Variants in TEX9 observed in about 807,000 individuals in gnomAD.
The protein encoded by TEX9 is testis expressed 9, also known as testis-expressed protein 9.
In TEX9, 74 loss-of-function variants were observed where a neutral mutation model predicts 59.6. That is an observed-to-expected ratio of 1.24 (90% confidence interval 1.03 to 1.51). TEX9 has a LOEUF of 1.51. TEX9 is among the 40% of genes most tolerant of loss of function. The pLI, the probability that TEX9 is intolerant of heterozygous loss-of-function variation, is 0.00. For synonymous variants in TEX9, 186 were observed against 152.2 expected (o/e 1.22, Z -1.64); for missense variants, 522 against 447.8 (o/e 1.17, Z -1.49).
chr15:56,375,454 A>G (rs1287717463), intron 3 of TEX9, among the ~76,000 whole-genome samples: 36 of 151,854 alleles, frequency 2.4e-4, no homozygotes, highest in Non-Finnish European at 4.4e-4. Context: ...ATTTTCTCCC[A>G]TTTTGTAGGT....
At chr15:56,308,379 A>T (rs1485041829) in intron 1 of TEX9, among the ~76,000 whole-genome samples, 1 of 152,180 alleles carries the variant, frequency 6.6e-6, no homozygotes, top group African/African-American at 2.4e-5. Flanking sequence ...AGAAATGTCT[A>T]TTCCAATCCT....
At chr15:56,369,686 G>C (rs942715279) in intron 2 of TEX9, among the ~76,000 whole-genome samples, 4 of 152,102 alleles carry the variant, frequency 2.6e-5, no homozygotes, top group Non-Finnish European at 5.9e-5. Context: ...AATGTATTGA[G>C]ACTTATTTGT....
intron 10 of TEX9, among the ~76,000 whole-genome samples, chr15:56,425,808 G>GTGTT (rs1213534708): frequency 1.3e-5 from 2 of 151,966 alleles, no homozygotes; most frequent in Admixed American, 1.3e-4. Context: ...TGAAAAACGG[G>GTGTT]TGTTTGAAAA....
At chr15:56,389,000 G>C (rs2048087204) in intron 5 of TEX9, among the ~76,000 whole-genome samples, 1 of 151,954 alleles carries the variant, frequency 6.6e-6, no homozygotes, top group South Asian at 2.1e-4. Context: ...TCTGCCTGGG[G>C]AATAATTGGT....
chr15:56,349,953 T>A (rs1168901458), intron 1 of TEX9, among the ~76,000 whole-genome samples: 2 of 152,140 alleles, frequency 1.3e-5, no homozygotes, highest in Non-Finnish European at 2.9e-5. Context: ...CAAGAATCGG[T>A]TAAGACTTTA....
chr15:56,443,570 T>C (rs747818934), intron 12 of TEX9: 5 of 1,579,856 alleles, frequency 3.2e-6, no homozygotes, highest in Middle Eastern at 1.7e-4. Flanking sequence ...TAAATATTTA[T>C]AGGATCCAAA....
intron 1 of TEX9, among the ~76,000 whole-genome samples, chr15:56,250,478 C>T (rs1217374552): frequency 6.6e-6 from 1 of 152,138 alleles, no homozygotes; most frequent in Non-Finnish European, 1.5e-5. Context: ...GAAGACTGGT[C>T]TAATTGGAGT....
downstream of TEX9, among the ~76,000 whole-genome samples, chr15:56,448,751 CTTTTT>C (rs34366643): frequency 1.7e-5 from 2 of 117,676 alleles, no homozygotes; most frequent in Non-Finnish European, 1.8e-5. Context: ...TTTTTAGATT[CTTTTT>C]TTTTTTTTTT....
intron 1 of TEX9, among the ~76,000 whole-genome samples, chr15:56,344,529 A>G (rs2046430175): frequency 6.6e-6 from 1 of 152,084 alleles, no homozygotes. Context: ...ATGGGAAGTG[A>G]GTCTTAATGG....
rs35539808 is a variant in TEX9 at position 56,333,477 on chromosome 15, TA to T, written c.-106-39952del. Among the ~76,000 whole-genome samples the T allele has an allele frequency of 2.7e-3, 377 of 142,254 alleles. 1 individual carries two copies. Among genetic ancestry groups the T allele is most frequent in the Middle Eastern group, 0.011 (3 of 272 alleles). 93.3% of individuals were successfully genotyped at this position (142,254 alleles called of 152,430 possible). A position where few individuals can be genotyped will look rare whatever the true frequency, so the allele number is the denominator to read the frequency against. ...GATGAAATTCAACACTCCTTCATGA[TA>T]AAAAAAAAAAACCCTCAAAAAACTG... On this transcript the variant is annotated intron_variant, in intron 1 of 5. Transcript: ENST00000560827.
chr15:56,304,194 G>T (rs1157497067), intron 1 of TEX9, among the ~76,000 whole-genome samples: 1 of 152,148 alleles, frequency 6.6e-6, no homozygotes, highest in Non-Finnish European at 1.5e-5. Context: ...ATGAAAACAA[G>T]GATATTTTGA....
intron 1 of TEX9, among the ~76,000 whole-genome samples, chr15:56,293,089 G>C (rs1862451456): frequency 1.3e-5 from 2 of 152,032 alleles, no homozygotes; most frequent in African/African-American, 4.8e-5. Flanking sequence ...AACCCCAGCA[G>C]TTTGGAAGGC....
intron 12 of TEX9, among the ~76,000 whole-genome samples, chr15:56,433,250 C>A (rs1297051421): frequency 1.6e-5 from 2 of 124,914 alleles, no homozygotes; most frequent in Admixed American, 1.7e-4. Flanking sequence ...CACACCAGGG[C>A]CTGTCGGGGG....
chr15:56,279,578 C>T (rs1021401432), intron 1 of TEX9, among the ~76,000 whole-genome samples: 31 of 152,178 alleles, frequency 2.0e-4, no homozygotes, highest in Non-Finnish European at 4.3e-4. Context: ...CCTTTACTTC[C>T]ATAGAGAAAT....
chr15:56,371,983 T>TG (rs2047211074), intron 2 of TEX9, among the ~76,000 whole-genome samples: 1 of 152,228 alleles, frequency 6.6e-6, no homozygotes, highest in Non-Finnish European at 1.5e-5. Context: ...TCCTGTTTGT[T>TG]GCTCTCACTT....
chr15:56,459,696 A>C, the TEX9 span, among the ~76,000 whole-genome samples: 2 of 152,030 alleles, frequency 1.3e-5, no homozygotes, highest in African/African-American at 4.8e-5. Flanking sequence ...AGAAGAAACA[A>C]TGACTGGCTG....
At chr15:56,281,878 A>G (rs1379172979) in intron 1 of TEX9, among the ~76,000 whole-genome samples, 2 of 152,184 alleles carry the variant, frequency 1.3e-5, no homozygotes. Context: ...TCCAGGGATG[A>G]TTAGATTATA....
intron 1 of TEX9, among the ~76,000 whole-genome samples, chr15:56,357,067 A>G (rs1348644665): frequency 6.6e-6 from 1 of 152,124 alleles, no homozygotes; most frequent in Non-Finnish European, 1.5e-5. Context: ...CCTGAGATAG[A>G]GTGCTGACTT....
intron 12 of TEX9, among the ~76,000 whole-genome samples, chr15:56,431,846 T>A (rs1172068431): frequency 6.6e-6 from 1 of 151,848 alleles, no homozygotes; most frequent in African/African-American, 2.4e-5. Flanking sequence ...GAGTTTACAG[T>A]GTAAAACAAA....
Sources: allele counts gnomAD v4.1 joint callset (sites outside exome capture counted in the v4.1 genomes callset), GRCh38; gene constraint gnomAD v4.1.1; transcripts MANE v1.5; gene names NCBI Gene and HGNC (gene_info 2026-07-23, HGNC 2026-07-21).